GALNT8: variants seen among roughly 807,000 people sequenced by gnomAD.
GALNT8 encodes polypeptide N-acetylgalactosaminyltransferase 8.
In GALNT8, 66 loss-of-function variants were observed where a neutral mutation model predicts 62.7. The ratio of observed to expected loss-of-function variants is 1.05; its 90% CI spans 0.86 to 1.29. GALNT8 has a LOEUF of 1.29. GALNT8 is among the 50% of genes most tolerant of loss of function. GALNT8 has a pLI of 0.00. For synonymous variants in GALNT8, 288 were observed against 294.3 expected (o/e 0.98, Z 0.22); for missense variants, 771 against 791.8 (o/e 0.97, Z 0.32).
intron 10 of GALNT8, among the ~76,000 whole-genome samples, chr12:4,769,993 G>A (rs953450528): frequency 6.6e-6 from 1 of 152,166 alleles, no homozygotes; most frequent in Non-Finnish European, 1.5e-5. Context: ...CTGACACGCA[G>A]CACCCCAAAA....
chr12:4,720,854 ACT>A lies in GALNT8; in HGVS notation c.181_182del (p.Ser61ProfsTer33). On this transcript the variant is annotated frameshift_variant, in exon 1 of 11. Transcript: ENST00000252318. LOFTEE classifies it high-confidence loss of function. ...NKRYGAVIKR[L>X]SHLEVELQDL... ...AACGCTACGGGGCAGTGATAAAGAG[ACT>A]CTCCCACTTGGAGGTGGAATTGCAG... is the stretch of plus-strand genomic sequence containing the variant. The A allele has an allele frequency of 6.2e-7, 1 of 1,608,386 alleles. No homozygotes were observed. Among genetic ancestry groups the A allele is most frequent in the Non-Finnish European group, 8.5e-7 (1 of 1,175,034 alleles).
At chr12:4,740,230 T>C (rs1370637722) in intron 3 of GALNT8, among the ~76,000 whole-genome samples, 2 of 152,216 alleles carry the variant, frequency 1.3e-5, no homozygotes, top group African/African-American at 4.8e-5. Context: ...GTCCTCACTT[T>C]CTGAGTTCAT....
chr12:4,721,538 T>C (rs551944801), intron 1 of GALNT8, among the ~76,000 whole-genome samples: 19 of 152,306 alleles, frequency 1.2e-4, no homozygotes, highest in African/African-American at 4.6e-4. Context: ...TTAAGTGCTG[T>C]GCTTTAGATA....
In GALNT8 at chr12:4,744,652, C is replaced by G. The variant is rs778573508; in HGVS notation, c.812C>G (p.Ala271Gly). ...AACACTGGCTGGGAAGCTGCCACAG[C>G]AGACGTGGTCGCCATCTTGGATGCT... ...ARNTGWEAATADVVAILDAHI... is the reference protein window; with the variant it reads ...ARNTGWEAATGDVVAILDAHI... The change falls in exon 4 of 11, where the codon GCA becomes GGA. Residue 271 changes from alanine to glycine, a missense_variant. Physicochemically the swap from Ala to Gly is moderately conservative, Grantham distance 60. Coordinates refer to ENST00000252318, the MANE Select transcript of GALNT8 (RefSeq NM_017417.2). 35 of 1,613,566 alleles carry G rather than the reference C, an allele frequency of 2.2e-5. No individual in the cohort carries two copies. In the South Asian group the frequency reaches 3.7e-4, roughly 17 times the overall value.
chr12:4,763,867 T>G (rs1028419450), intron 8 of GALNT8, 85 bp from the exon 9 acceptor site: 8 of 776,812 alleles, frequency 1.0e-5, no homozygotes, highest in Non-Finnish European at 1.9e-5. Flanking sequence ...CCTCGGTGTG[T>G]TGGGGAAAAT....
At position 4,745,396 on chromosome 12, in the gene GALNT8, C is replaced by T. The variant is rs1565385563; in HGVS notation, c.861-33C>T. The stretch of plus-strand genomic sequence containing the variant: ...TCTCCCCTACTGCTTGTCCTCATAT[C>T]CAAGCTGGGCTTTCTGCACACTCTT... On this transcript the variant is annotated intron_variant, in intron 4 of 10. Coordinates refer to ENST00000252318, the MANE Select transcript of GALNT8 (RefSeq NM_017417.2). The T allele has an allele frequency of 2.8e-6, 4 of 1,434,776 alleles. No homozygotes were observed. The South Asian group carries it at 4.6e-5, about 16-fold the overall frequency. The allele number at this position is 1,434,776 out of a possible 1,614,324, so 88.9% of individuals were successfully genotyped here.
rs373045418 is a variant in GALNT8 at position 4,752,022 on chromosome 12, T to G, written c.1173+5764T>G. Among the ~76,000 whole-genome samples the G allele has an allele frequency of 2.6e-5, 4 of 152,226 alleles. No individual in the cohort carries two copies. In the East Asian group the frequency reaches 7.7e-4, roughly 29 times the overall value. On this transcript the variant is annotated intron_variant, in intron 6 of 10. Coordinates refer to ENST00000252318, the MANE Select transcript of GALNT8 (RefSeq NM_017417.2). ...ATATAGTGACCTTCTTTGTCTCTTC[T>G]TATAGTTTTTGTCTTGAAATCTATT... is the stretch of plus-strand genomic sequence containing the variant.
At chr12:4,725,553 CTT>C (rs747460695) in intron 1 of GALNT8, among the ~76,000 whole-genome samples, 5 of 119,658 alleles carry the variant, frequency 4.2e-5, no homozygotes, top group Admixed American at 9.2e-5. Context: ...TGAAGACATT[CTT>C]TTTTTTTTTT....
chr12:4,752,957 TA>T (rs1946328802), intron 6 of GALNT8, among the ~76,000 whole-genome samples: 1 of 152,134 alleles, frequency 6.6e-6, no homozygotes. Context: ...TGTTCTAGGG[TA>T]AAAGTTTTTT....
chr12:4,747,630 A>G (rs998280786), intron 6 of GALNT8, among the ~76,000 whole-genome samples: 2 of 152,146 alleles, frequency 1.3e-5, no homozygotes, highest in Non-Finnish European at 2.9e-5. Flanking sequence ...ATGGACACTT[A>G]GATTGCTTCC....
At chr12:4,766,007 G>A (rs1413615354) in intron 10 of GALNT8, among the ~76,000 whole-genome samples, 1 of 152,200 alleles carries the variant, frequency 6.6e-6, no homozygotes, top group Non-Finnish European at 1.5e-5. Flanking sequence ...TCCTGACTTC[G>A]TGATCCGCCC....
intron 6 of GALNT8, among the ~76,000 whole-genome samples, chr12:4,748,489 AGT>A (rs1946309809): frequency 6.6e-6 from 1 of 152,084 alleles, no homozygotes; most frequent in African/African-American, 2.4e-5. Context: ...TCTTTTCCCC[AGT>A]GTGTGTTTTT....
intron 10 of GALNT8, among the ~76,000 whole-genome samples, chr12:4,769,903 G>A (rs1229943482): frequency 2.6e-5 from 4 of 151,950 alleles, no homozygotes; most frequent in African/African-American, 9.7e-5. Flanking sequence ...CTTTAAAAAT[G>A]TTTTCCAAGT....
At chr12:4,771,913 A>G (rs926075524) in intron 10 of GALNT8, among the ~76,000 whole-genome samples, 1 of 152,196 alleles carries the variant, frequency 6.6e-6, no homozygotes, top group Non-Finnish European at 1.5e-5. Flanking sequence ...TTGTAGCACT[A>G]AAGCCTATCA....
chr12:4,758,480 A>G (rs1399851377), intron 6 of GALNT8, among the ~76,000 whole-genome samples: 6 of 152,144 alleles, frequency 3.9e-5, no homozygotes, highest in Admixed American at 3.9e-4. Flanking sequence ...GTCATTTACT[A>G]GCTGGTAAAC....
intron 2 of GALNT8, among the ~76,000 whole-genome samples, chr12:4,731,841 C>T (rs914234144): frequency 2.0e-5 from 3 of 152,164 alleles, no homozygotes; most frequent in Non-Finnish European, 2.9e-5. Context: ...ATAAATCTCA[C>T]TTCATCATGC....
intron 3 of GALNT8, among the ~76,000 whole-genome samples, chr12:4,742,609 G>C (rs139356879): frequency 6.6e-6 from 1 of 152,184 alleles, no homozygotes; most frequent in Non-Finnish European, 1.5e-5. Context: ...AGCACGGTGT[G>C]GGGGTGTGGG....
intron 7 of GALNT8, among the ~76,000 whole-genome samples, chr12:4,761,640 G>T (rs1307019687): frequency 2.6e-5 from 4 of 152,018 alleles, no homozygotes; most frequent in East Asian, 1.9e-4. Flanking sequence ...TACAGATAGG[G>T]TCTTGCTATT....
In GALNT8 at chr12:4,745,662, T is replaced by C. The variant is rs371466489; in HGVS notation, c.1058+36T>C. 198 of 1,471,200 alleles carry C rather than the reference T, an allele frequency of 1.3e-4. No homozygotes were observed. In the African/African-American group the frequency reaches 2.3e-3, roughly 17 times the overall value. 91.1% of individuals were successfully genotyped at this position (1,471,200 alleles called of 1,614,324 possible). A position where few individuals can be genotyped will look rare whatever the true frequency, so the allele number is the denominator to read the frequency against. ...GGAGATTCAGGGAACTTGAGTAGCA[T>C]GTGGGAAGGCAGGAATGAACTGAAT... On this transcript the variant is annotated intron_variant, in intron 5 of 10. Coordinates refer to ENST00000252318, the MANE Select transcript of GALNT8 (RefSeq NM_017417.2).
Sources: gnomAD v4.1 joint callset for allele counts (sites outside exome capture counted in the v4.1 genomes callset) on GRCh38, gnomAD v4.1.1 for gene constraint, MANE v1.5 for transcripts, NCBI Gene and HGNC (gene_info 2026-07-23, HGNC 2026-07-21) for gene names.